The following FAM193A variants were observed in gnomAD, a reference collection of about 807,000 sequenced individuals.
FAM193A encodes the protein family with sequence similarity 193 member A.
FAM193A carries 22 observed loss-of-function variants against 126.5 expected under a neutral mutation model. That is an observed-to-expected ratio of 0.17 (90% CI 0.12 to 0.25). The LOEUF (loss-of-function observed/expected upper bound fraction) is 0.25. Among genes scored for constraint, FAM193A ranks in the 10% least tolerant of loss-of-function variants. FAM193A has a pLI of 1.00. For missense variants in FAM193A, 1,675 were observed against 1,672.8 expected (o/e 1.00, Z -0.02); for synonymous variants, 761 against 646.8 (o/e 1.18, Z -2.68).
chr4:2,629,884 G>T (rs1743372253), intron 4 of FAM193A, among the ~76,000 whole-genome samples: 1 of 152,200 alleles, frequency 6.6e-6, no homozygotes, highest in Non-Finnish European at 1.5e-5. Context: ...GTAAGTCCCA[G>T]TACTTTGAGA....
chr4:2,611,414 G>A (rs1455327440), intron 2 of FAM193A, among the ~76,000 whole-genome samples: 1 of 151,794 alleles, frequency 6.6e-6, no homozygotes, highest in Non-Finnish European at 1.5e-5. Flanking sequence ...GACTACAGGC[G>A]CCAGCCACCA....
At chr4:2,580,254 C>T (rs899900329) in intron 1 of FAM193A, among the ~76,000 whole-genome samples, 12 of 152,008 alleles carry the variant, frequency 7.9e-5, no homozygotes, top group African/African-American at 1.9e-4. Flanking sequence ...AACCAGATAC[C>T]GCATATTCTC....
At chr4:2,556,143 G>T (rs767968489) in intron 1 of FAM193A, among the ~76,000 whole-genome samples, 1 of 152,020 alleles carries the variant, frequency 6.6e-6, no homozygotes, top group Non-Finnish European at 1.5e-5. Context: ...TGATCCGTCC[G>T]CCTTGGCCTC....
chr4:2,613,278 A>C (rs894229653), intron 2 of FAM193A, among the ~76,000 whole-genome samples: 3 of 152,180 alleles, frequency 2.0e-5, no homozygotes, highest in African/African-American at 7.2e-5. Flanking sequence ...TTTTACAAAA[A>C]ATAAATACAT....
intron 20 of FAM193A, among the ~76,000 whole-genome samples, chr4:2,716,668 C>T (rs1719569437): frequency 6.6e-6 from 1 of 152,096 alleles, no homozygotes; most frequent in African/African-American, 2.4e-5. Context: ...TTATTAATGG[C>T]AACAAAATTT....
intron 2 of FAM193A, chr4:2,608,218 G>A (rs958455538): frequency 7.5e-6 from 9 of 1,208,050 alleles, no homozygotes; most frequent in Admixed American, 4.2e-5. Flanking sequence ...GGTCGGTCTC[G>A]CCCAGTATGG....
intron 15 of FAM193A, among the ~76,000 whole-genome samples, chr4:2,692,683 T>G (rs1716535534): frequency 6.6e-6 from 1 of 151,968 alleles, no homozygotes; most frequent in Non-Finnish European, 1.5e-5. Context: ...TTAAGTCTTG[T>G]GAAAAGAGAA....
chr4:2,622,121 G>T (rs929115503), intron 2 of FAM193A, among the ~76,000 whole-genome samples: 1 of 152,182 alleles, frequency 6.6e-6, no homozygotes, highest in African/African-American at 2.4e-5. Context: ...GCCAGGTGTG[G>T]TGGCGCATGC....
intron 15 of FAM193A, among the ~76,000 whole-genome samples, chr4:2,691,665 G>A (rs1435968734): frequency 6.6e-6 from 1 of 151,894 alleles, no homozygotes; most frequent in Non-Finnish European, 1.5e-5. Flanking sequence ...TAAAAGGAAT[G>A]AGGAGGCTGA....
chr4:2,602,324 C>T (rs551507384), intron 2 of FAM193A, among the ~76,000 whole-genome samples: 1 of 149,356 alleles, frequency 6.7e-6, no homozygotes, highest in Non-Finnish European at 1.5e-5. Context: ...TTGGCAGATG[C>T]TTGAATCTTC....
In FAM193A at chr4:2,681,550, A is replaced by G. The variant is rs148555741; in HGVS notation, c.2332-7956A>G. Among the ~76,000 whole-genome samples the G allele has an allele frequency of 3.5e-3, 526 of 152,262 alleles. 3 individuals are homozygous for G. Among genetic ancestry groups the G allele is most frequent in the African/African-American group, 0.012 (510 of 41,538 alleles). ...ACTGCAACCTCGACCTCCTGGGCTCAAGCAATCCTCCTGACCCATAGTCTC... is the reference window on the plus strand; with the variant it reads ...ACTGCAACCTCGACCTCCTGGGCTCGAGCAATCCTCCTGACCCATAGTCTC... On this transcript the variant is annotated intron_variant, in intron 13 of 20. Coordinates refer to ENST00000637812, the MANE Select transcript of FAM193A (RefSeq NM_001366318.2).
At chr4:2,627,844 G>A (rs1324102991) in intron 4 of FAM193A, among the ~76,000 whole-genome samples, 2 of 151,658 alleles carry the variant, frequency 1.3e-5, no homozygotes, top group African/African-American at 2.4e-5. Context: ...CTGGGTTCAC[G>A]CCGTTCTCCT....
chr4:2,541,856 A>T (rs1237099347), intron 1 of FAM193A, among the ~76,000 whole-genome samples: 1 of 151,278 alleles, frequency 6.6e-6, no homozygotes. Context: ...TTTGAGACAG[A>T]GTCTTGCTCT....
intron 8 of FAM193A, among the ~76,000 whole-genome samples, chr4:2,658,437 G>C (rs1472811823): frequency 6.6e-6 from 1 of 152,170 alleles, no homozygotes; most frequent in Non-Finnish European, 1.5e-5. Context: ...GTTGGGCAGA[G>C]CTTGCTAGTG....
chr4:2,604,406 C>T (rs1015665387), intron 2 of FAM193A, among the ~76,000 whole-genome samples: 2 of 152,130 alleles, frequency 1.3e-5, no homozygotes, highest in Non-Finnish European at 2.9e-5. Context: ...GGTGCTTAAT[C>T]TGTCAATTTC....
At chr4:2,685,406 A>G (rs1715622137) in intron 13 of FAM193A, among the ~76,000 whole-genome samples, 1 of 152,262 alleles carries the variant, frequency 6.6e-6, no homozygotes, top group African/African-American at 2.4e-5. Context: ...TAGATTGGGC[A>G]GGTAAAGCTA....
chr4:2,546,268 A>G (rs549697023), intron 1 of FAM193A, among the ~76,000 whole-genome samples: 2 of 152,114 alleles, frequency 1.3e-5, no homozygotes, highest in East Asian at 1.9e-4. Context: ...TTGGGATTAC[A>G]GGTGTAGGCT....
intron 19 of FAM193A, among the ~76,000 whole-genome samples, chr4:2,702,872 C>A (rs752944013): frequency 1.1e-4 from 16 of 152,254 alleles, no homozygotes; most frequent in South Asian, 1.0e-3. Flanking sequence ...TAAATTAGTT[C>A]TTTTCACCTT....
chr4:2,541,937 T>G (rs781367423), intron 1 of FAM193A, among the ~76,000 whole-genome samples: 2 of 151,256 alleles, frequency 1.3e-5, no homozygotes, highest in Non-Finnish European at 2.9e-5. Context: ...TTCAAGTGAT[T>G]CCTCCTGAGT....
Sources: allele counts gnomAD v4.1 joint callset (sites outside exome capture counted in the v4.1 genomes callset), GRCh38; gene constraint gnomAD v4.1.1; transcripts MANE v1.5; gene names NCBI Gene and HGNC (gene_info 2026-07-23, HGNC 2026-07-21).